Variants in PARP4 observed in about 807,000 individuals in gnomAD.
PARP4 encodes the protein poly(ADP-ribose) polymerase family member 4.
Under a neutral mutation model 187.7 loss-of-function variants are expected in PARP4, and 120 were observed. That is an observed-to-expected ratio of 0.64 (90% CI 0.55 to 0.74). The LOEUF (loss-of-function observed/expected upper bound fraction) is 0.74. Ranked by LOEUF, PARP4 falls within the 30% of genes least tolerant of loss-of-function variation. The probability of loss-of-function intolerance (pLI) is 0.00; values close to 1 mark genes in which losing one functional copy is unlikely to be tolerated. For missense variants in PARP4, 1,836 were observed against 2,070.5 expected (o/e 0.89, Z 2.20); for synonymous variants, 654 against 740.9 (o/e 0.88, Z 1.90).
chr13:24,508,964 AT>A, intron 1 of PARP4, among the ~76,000 whole-genome samples: 1 of 152,370 alleles, frequency 6.6e-6, no homozygotes, highest in East Asian at 1.9e-4. Context: ...TTGTTGGAAA[AT>A]TAAATCATTT....
intron 17 of PARP4, among the ~76,000 whole-genome samples, chr13:24,466,985 A>G (rs1593620953): frequency 6.6e-6 from 1 of 152,196 alleles, no homozygotes; most frequent in East Asian, 1.9e-4. Flanking sequence ...TTAAATAAAA[A>G]TGACCTAAAC....
rs181272456 is a variant in PARP4, at chr13:24,460,061, G to A, written c.2209C>T (p.Leu737Phe). ...VLIKITYITE[L>F]SILGTVGVFF... ...ACACCAACAGTGCCCAGGATGCTGA[G>A]TTCTGTGATGTAGGTAATTTTTATA... Residue 737 changes from leucine (L) to phenylalanine (F), a missense_variant, in exon 18 of 34, where the codon CTC (leucine) becomes TTC (phenylalanine). Transcript: ENST00000381989. 2 of 1,614,044 alleles carry A rather than the reference G, an allele frequency of 1.2e-6. No individual in the cohort carries two copies. Among genetic ancestry groups the A allele is most frequent in the African/African-American group, 1.3e-5 (1 of 75,050 alleles).
intron 33 of PARP4, among the ~76,000 whole-genome samples, chr13:24,423,568 AAG>A (rs1418958551): frequency 1.3e-5 from 2 of 152,166 alleles, no homozygotes; most frequent in Admixed American, 1.3e-4. Context: ...AACAAAAAAA[AAG>A]AAAACTCCCA....
chr13:24,453,363 T>C (rs1294419674), intron 23 of PARP4, among the ~76,000 whole-genome samples: 1 of 152,112 alleles, frequency 6.6e-6, no homozygotes. Flanking sequence ...CTAGTTGCAT[T>C]AGGGTGTTGG....
At chr13:24,477,677 C>A in intron 14 of PARP4, 24 bp downstream of exon 14, 1 of 1,353,224 alleles carries the variant, frequency 7.4e-7, no homozygotes, top group Non-Finnish European at 1.0e-6. Flanking sequence ...TAACATAAAA[C>A]AGCATTCAAG....
chr13:24,441,366 T>C (rs1358910695), intron 30 of PARP4, among the ~76,000 whole-genome samples: 2 of 152,172 alleles, frequency 1.3e-5, no homozygotes, highest in African/African-American at 4.8e-5. Flanking sequence ...AAGAGGGTTG[T>C]CAGCACTGTG....
intron 32 of PARP4, among the ~76,000 whole-genome samples, chr13:24,430,512 G>A (rs1341826773): frequency 6.6e-6 from 1 of 151,074 alleles, no homozygotes; most frequent in Non-Finnish European, 1.5e-5. Context: ...AAATTAGTCA[G>A]GCATAGTGGC....
At chr13:24,458,257 C>T (rs188367729) in intron 20 of PARP4, among the ~76,000 whole-genome samples, 5,919 of 151,992 alleles carry the variant, frequency 0.039, 159 homozygotes, top group Non-Finnish European at 0.056. Context: ...CCACAGGTGC[C>T]CACCACCACA....
intron 31 of PARP4, among the ~76,000 whole-genome samples, chr13:24,432,368 C>T (rs1352136786): frequency 6.6e-6 from 1 of 152,110 alleles, no homozygotes; most frequent in Non-Finnish European, 1.5e-5. Flanking sequence ...TTAAAAAAAA[C>T]CCACTTTATT....
chr13:24,455,237 AC>A (rs1313882070), intron 21 of PARP4, 25 bp from the exon 22 acceptor site: 2 of 1,522,880 alleles, frequency 1.3e-6, no homozygotes, highest in African/African-American at 2.7e-5. Flanking sequence ...AAGGTGCTGG[AC>A]TGGAGCTTCT....
At chr13:24,505,003 C>CTTTTTTT (rs34271210) in intron 1 of PARP4, among the ~76,000 whole-genome samples, 1 of 129,754 alleles carries the variant, frequency 7.7e-6, no homozygotes, top group African/African-American at 2.9e-5. Context: ...CACACCCCCG[C>CTTTTTTT]TTTTTTTTTT....
chr13:24,466,940 G>C (rs4769358), intron 17 of PARP4, among the ~76,000 whole-genome samples: 2 of 151,958 alleles, frequency 1.3e-5, no homozygotes, highest in Non-Finnish European at 2.9e-5. Context: ...ACTAGCAAGA[G>C]GGTAGATATA....
intron 1 of PARP4, among the ~76,000 whole-genome samples, chr13:24,504,307 C>CTTTTTTTTTTTTTT (rs11434017): frequency 1.1e-5 from 1 of 87,356 alleles, no homozygotes; most frequent in Non-Finnish European, 2.0e-5. Context: ...CATTTAGGTT[C>CTTTTTTTTTTTTTT]TTTTTTTTTT....
intron 24 of PARP4, among the ~76,000 whole-genome samples, chr13:24,451,105 G>A (rs755842687): frequency 2.6e-5 from 4 of 152,168 alleles, no homozygotes; most frequent in East Asian, 1.9e-4. Context: ...CCCCAGAGTC[G>A]GGGCCCGATG....
chr13:24,458,969 A>G (rs906402406), intron 20 of PARP4, 75 bp downstream of exon 20: 17 of 1,016,912 alleles, frequency 1.7e-5, no homozygotes, highest in Non-Finnish European at 2.4e-5. Context: ...CTTTTCAACC[A>G]CGTGCATACA....
intron 32 of PARP4, among the ~76,000 whole-genome samples, chr13:24,429,661 T>C (rs1462849192): frequency 1.3e-5 from 2 of 152,096 alleles, no homozygotes; most frequent in Non-Finnish European, 2.9e-5. Flanking sequence ...CTCTGGCCAG[T>C]ACTAGGCAGC....
intron 22 of PARP4, among the ~76,000 whole-genome samples, chr13:24,454,364 T>C (rs55730845): frequency 0.16 from 23,746 of 152,094 alleles, 2,412 homozygotes; most frequent in African/African-American, 0.28. Flanking sequence ...AGGGGCTGGG[T>C]CTTCTGCTGG....
chr13:24,461,420 T>C (rs779850207), intron 17 of PARP4, among the ~76,000 whole-genome samples: 1 of 152,204 alleles, frequency 6.6e-6, no homozygotes, highest in Non-Finnish European at 1.5e-5. Context: ...ACTTCTGTTA[T>C]AACACACCAG....
At chr13:24,473,615 A>G (rs1046812287) in intron 15 of PARP4, among the ~76,000 whole-genome samples, 1 of 152,054 alleles carries the variant, frequency 6.6e-6, no homozygotes, top group Non-Finnish European at 1.5e-5. Context: ...TGCATCTTAA[A>G]ATGAGAAAGA....
Sources: gnomAD v4.1 joint callset for allele counts (sites outside exome capture counted in the v4.1 genomes callset) on GRCh38, gnomAD v4.1.1 for gene constraint, MANE v1.5 for transcripts, NCBI Gene and HGNC (gene_info 2026-07-23, HGNC 2026-07-21) for gene names.